The following ROBO2 variants were observed in gnomAD, a reference collection of about 807,000 sequenced individuals.
ROBO2 encodes roundabout guidance receptor 2.
In ROBO2, 53 loss-of-function variants were observed where a neutral mutation model predicts 160.8. The observed-to-expected ratio is 0.33, with a 90% CI of 0.26 to 0.41. ROBO2 has a LOEUF of 0.41. ROBO2 is among the 10% of genes least tolerant of loss of function. The pLI is 1.00. For missense variants in ROBO2, 1,577 were observed against 1,722.4 expected, an observed-to-expected ratio of 0.92 and a Z score of 1.49; for synonymous variants, 664 against 611.7, an observed-to-expected ratio of 1.09 and a Z score of -1.26.
At chr3:76,845,412 A>G (rs1393059773) in intron 2 of ROBO2, among the ~76,000 whole-genome samples, 1 of 151,984 alleles carries the variant, frequency 6.6e-6, no homozygotes. Context: ...AAAATTCACT[A>G]TATATTTTTA....
intron 2 of ROBO2, among the ~76,000 whole-genome samples, chr3:76,883,053 CA>C (rs2073518684): frequency 6.6e-6 from 1 of 152,274 alleles, no homozygotes; most frequent in South Asian, 2.1e-4. Flanking sequence ...TGATCCCAAA[CA>C]AAAACACCAT....
At chr3:76,008,845 C>T (rs1559827494) in intron 2 of ROBO2, among the ~76,000 whole-genome samples, 1 of 152,034 alleles carries the variant, frequency 6.6e-6, no homozygotes, top group East Asian at 1.9e-4. Flanking sequence ...TTTTACATGA[C>T]ATGTGGACCT....
intron 2 of ROBO2, among the ~76,000 whole-genome samples, chr3:76,854,904 G>A (rs999526192): frequency 1.2e-4 from 18 of 152,068 alleles, no homozygotes; most frequent in African/African-American, 4.1e-4. Context: ...AAAAATATCC[G>A]AACCAAAAGA....
At chr3:77,048,618 A>G (rs376158459) in intron 1 of ROBO2, among the ~76,000 whole-genome samples, 1 of 152,178 alleles carries the variant, frequency 6.6e-6, no homozygotes, top group Non-Finnish European at 1.5e-5. Context: ...CACTTTGAGA[A>G]CCGAAGACCT....
At chr3:77,034,301 T>G (rs1254551575) in intron 2 of ROBO2, among the ~76,000 whole-genome samples, 1 of 151,318 alleles carries the variant, frequency 6.6e-6, no homozygotes, top group Non-Finnish European at 1.5e-5. Context: ...TTTACATCTC[T>G]AATTTGAGCA....
At chr3:76,435,160 G>T in intron 2 of ROBO2, 1 of 996,640 alleles carries the variant, frequency 1.0e-6, no homozygotes, top group Non-Finnish European at 1.6e-6. Flanking sequence ...GACATGGTGG[G>T]CATTGTGGAG....
intron 5 of ROBO2, among the ~76,000 whole-genome samples, chr3:77,510,162 G>C (rs1038532401): frequency 6.6e-6 from 1 of 152,002 alleles, no homozygotes; most frequent in Non-Finnish European, 1.5e-5. Flanking sequence ...AGCCAGTCAA[G>C]AGTGAATTGG....
chr3:77,582,135 G>A (rs1438689368), intron 16 of ROBO2, among the ~76,000 whole-genome samples: 2 of 151,956 alleles, frequency 1.3e-5, no homozygotes, highest in African/African-American at 2.4e-5. Context: ...TATTTAATGT[G>A]CAGTTCTATT....
At chr3:77,475,824 C>G (rs1436163572) in intron 2 of ROBO2, among the ~76,000 whole-genome samples, 1 of 152,196 alleles carries the variant, frequency 6.6e-6, no homozygotes, top group African/African-American at 2.4e-5. Context: ...TGCACACTTT[C>G]CTCAGCCCAC....
At chr3:76,890,664 A>G (rs911965400) in intron 2 of ROBO2, among the ~76,000 whole-genome samples, 1 of 152,182 alleles carries the variant, frequency 6.6e-6, no homozygotes, top group Non-Finnish European at 1.5e-5. Flanking sequence ...TATCTATCAC[A>G]TATTACTTTT....
At chr3:76,701,681 A>G (rs766233111) in intron 2 of ROBO2, among the ~76,000 whole-genome samples, 1 of 152,100 alleles carries the variant, frequency 6.6e-6, no homozygotes, top group Non-Finnish European at 1.5e-5. Flanking sequence ...TTCCTTTAAT[A>G]GAATACAACT....
chr3:77,098,052 G>A, exon 2 of ROBO2: 1 of 1,592,348 alleles, frequency 6.3e-7, no homozygotes, highest in Non-Finnish European at 8.6e-7. Flanking sequence ...CCCGCGGATT[G>A]TGGAGCATCC....
chr3:77,613,937 G>T (rs1243155176), intron 21 of ROBO2, among the ~76,000 whole-genome samples: 1 of 152,126 alleles, frequency 6.6e-6, no homozygotes, highest in Admixed American at 6.5e-5. Flanking sequence ...GGATTTATAA[G>T]ATTAAGATAG....
At chr3:77,270,514 T>G (rs1457476657) in intron 2 of ROBO2, among the ~76,000 whole-genome samples, 4 of 152,176 alleles carry the variant, frequency 2.6e-5, no homozygotes, top group Non-Finnish European at 4.4e-5. Context: ...TCATTGACAT[T>G]TGAAGATTGC....
chr3:77,192,224 T>C (rs1354343242), intron 2 of ROBO2, among the ~76,000 whole-genome samples: 4 of 152,188 alleles, frequency 2.6e-5, no homozygotes, highest in Admixed American at 2.0e-4. Flanking sequence ...TTTGCAAGTA[T>C]TTTTAGTGTT....
chr3:76,908,001 G>C (rs1465809478), intron 2 of ROBO2, among the ~76,000 whole-genome samples: 1 of 152,038 alleles, frequency 6.6e-6, no homozygotes, highest in Non-Finnish European at 1.5e-5. Flanking sequence ...CACCGTGCCT[G>C]GCTAATTTTT....
intron 2 of ROBO2, among the ~76,000 whole-genome samples, chr3:76,315,212 G>A (rs1209011403): frequency 6.6e-6 from 1 of 152,134 alleles, no homozygotes; most frequent in Non-Finnish European, 1.5e-5. Flanking sequence ...AGTCTGTTGA[G>A]TTCACTCAAT....
chr3:76,767,833 C>T (rs563780498), intron 2 of ROBO2, among the ~76,000 whole-genome samples: 14 of 151,438 alleles, frequency 9.2e-5, no homozygotes, highest in African/African-American at 2.4e-4. Flanking sequence ...AAGCCATTGA[C>T]GTGCTTACAT....
chr3:77,414,400 A>C (rs1267347421), intron 2 of ROBO2, among the ~76,000 whole-genome samples: 2 of 152,244 alleles, frequency 1.3e-5, no homozygotes, highest in African/African-American at 4.8e-5. Context: ...AGTGTCCTGC[A>C]GTACGGGGAA....
Sources: allele counts gnomAD v4.1 joint callset (sites outside exome capture counted in the v4.1 genomes callset), GRCh38; gene constraint gnomAD v4.1.1; transcripts MANE v1.5; gene names NCBI Gene and HGNC (gene_info 2026-07-23, HGNC 2026-07-21).